Variants in PAQR9 observed in about 807,000 individuals in gnomAD.
PAQR9 encodes membrane progestin receptor epsilon.
A neutral mutation model predicts 24.0 loss-of-function variants in PAQR9; 12 were observed. The observed-to-expected ratio is 0.50, with a 90% CI of 0.32 to 0.81. The LOEUF is 0.81. Ranked by LOEUF, PAQR9 falls within the 30% of genes least tolerant of loss-of-function variation. The pLI is 0.03. For synonymous variants in PAQR9, 266 were observed against 237.6 expected (o/e 1.12, Z -1.10); for missense variants, 418 against 520.8 (o/e 0.80, Z 1.92).
At position 142,962,669 on chromosome 3, in the gene PAQR9, G is replaced by A. The variant is rs375264528; in HGVS notation, c.668C>T (p.Ala223Val). The A allele has an allele frequency of 4.3e-6, 7 of 1,611,654 alleles. No individual in the cohort carries two copies. The African/African-American group carries it at 8.0e-5, about 18-fold the overall frequency. The change falls in exon 1 of 1, where the codon GCT becomes GTT. Residue 223 changes from alanine (A) to valine (V), a missense_variant. Physicochemically the swap from Ala to Val is moderately conservative, Grantham distance 64. This residue lies in a region of PAQR9 where 230 missense variants were observed against 305.2 expected (regional missense o/e 0.75). Coordinates refer to ENST00000340634, the MANE Select transcript of PAQR9 (RefSeq NM_198504.4). The stretch of plus-strand genomic sequence containing the variant: ...GCTCTTGCAGCAGGCCACAGTGCAA[G>A]CCACCGCCAGCACGAAGGCCACAGG... ...VLPVAFVLAV[A>V]CTVACCKSRT...
In PAQR9 at chr3:142,962,956, C is replaced by T. The variant is rs1164009232; in HGVS notation, c.381G>A (p.Ser127=). 4 of 1,613,918 alleles carry T rather than the reference C, an allele frequency of 2.5e-6. No homozygotes were observed. In the African/African-American group the frequency reaches 4.0e-5, roughly 16 times the overall value. The stretch of plus-strand genomic sequence containing the variant: ...TCATGGCGAAGGTCAGCAGCACTCC[C>T]GACGCGTAGCACCACAACGGTAGCA... The part of the protein sequence containing the change: ...PWLLPLWCYA[S]GVLLTFAMSC... The change falls in exon 1 of 1, where the codon TCG becomes TCA. Residue 127 remains serine (S), a synonymous_variant. Transcript: ENST00000340634.
Position 142,959,337 on chromosome 3 carries a change from C to A in PAQR9, c.*2866G>T, listed in dbSNP as rs1934849550. ...AAGTAAATATTCACTTCTAAAACATCAAGAAATTTAATAAATTCAGCAAAT... is the reference window on the plus strand; with the variant it reads ...AAGTAAATATTCACTTCTAAAACATAAAGAAATTTAATAAATTCAGCAAAT... On this transcript the variant is annotated 3_prime_UTR_variant, in exon 1 of 1. Transcript: ENST00000340634. Among the ~76,000 whole-genome samples, 1 of 152,142 alleles carries A rather than the reference C, an allele frequency of 6.6e-6. No homozygotes were observed. Among genetic ancestry groups the A allele is most frequent in the African/African-American group, 2.4e-5 (1 of 41,444 alleles).
In PAQR9 at chr3:142,963,668, G is replaced by A; in HGVS notation, c.-332C>T. 1.6e-6 allele frequency: 1 copy of A among 621,930 alleles called. No homozygotes were observed. The highest frequency in any genetic ancestry group is 2.0e-6 in the Non-Finnish European group (1 of 500,042). 38.5% of individuals were successfully genotyped at this position (621,930 alleles called of 1,614,324 possible). ...CTGACTGCGGCGGCAGCGCGGCAGC[G>A]GTGACTGGGCATCGCGCGGTGCGGG... On this transcript the variant is annotated 5_prime_UTR_variant, in exon 1 of 1. Transcript: ENST00000340634.
Position 142,957,225 on chromosome 3 carries a change from T to C in PAQR9, c.*4978A>G, listed in dbSNP as rs994051189. On this transcript the variant is annotated 3_prime_UTR_variant, in exon 1 of 1. Coordinates refer to ENST00000340634, the MANE Select transcript of PAQR9 (RefSeq NM_198504.4). Reference sequence around the variant, plus strand: ...TGCTCAGGTCAAACGCTACAAGATGTGGTTAAGCTGACAAACAGAATTCCT... The same window carrying C: ...TGCTCAGGTCAAACGCTACAAGATGCGGTTAAGCTGACAAACAGAATTCCT... Among the ~76,000 whole-genome samples, 1 of 152,204 alleles carries C rather than the reference T, an allele frequency of 6.6e-6. No homozygotes were observed. The highest frequency in any genetic ancestry group is 2.4e-5 in the African/African-American group (1 of 41,450).
rs900746026 is a variant in PAQR9 at position 142,958,721 on chromosome 3, T to C, written c.*3482A>G. Among the ~76,000 whole-genome samples, 1 of 152,228 alleles carries C rather than the reference T, an allele frequency of 6.6e-6. No individual in the cohort carries two copies. Among genetic ancestry groups the C allele is most frequent in the Non-Finnish European group, 1.5e-5 (1 of 68,034 alleles). ...CAAGCTGGATTTATGAATGGAAACA[T>C]ATGAAGGCCACTCTGTCCAGCTCTG... On this transcript the variant is annotated 3_prime_UTR_variant, in exon 1 of 1. Transcript: ENST00000340634.
At chr3:142,951,494 C>T, downstream of PAQR9, 1 of 327,764 alleles carries the variant, frequency 3.1e-6, no homozygotes, top group South Asian at 2.4e-5. Flanking sequence ...TCCTGATCAC[C>T]ATCCTTTTCT....
Position 142,955,049 on chromosome 3 carries a change from T to C in PAQR9, c.*7154A>G, listed in dbSNP as rs1385003379. Among the ~76,000 whole-genome samples the C allele has an allele frequency of 1.3e-5, 2 of 152,118 alleles. No homozygotes were observed. The highest frequency in any genetic ancestry group is 2.9e-5 in the Non-Finnish European group (2 of 68,028). On this transcript the variant is annotated 3_prime_UTR_variant, in exon 1 of 1. Transcript: ENST00000340634. ...TCATTTTTACTCCCTTCTTTCTCCG[T>C]CATCACCCTTAAATGAACTTAAAAA...
chr3:142,952,695 G>C, downstream of PAQR9: 2 of 450,274 alleles, frequency 4.4e-6, no homozygotes. Flanking sequence ...TTCTTATCTT[G>C]TCTTCCCTCA....
Position 142,962,852 on chromosome 3 carries a change from C to T in PAQR9, c.485G>A (p.Ser162Asn). The change falls in exon 1 of 1, where the codon AGC becomes AAC. Residue 162 changes from serine to asparagine, a missense_variant. Transcript: ENST00000340634. ...CACCGTGCTGCCGAAGCCGTAGTAG[C>T]TGATGGACGCGTAGTCCAGGTAGAA... Reference protein sequence around the residue: ...AFFYLDYASISYYGFGSTVAY... With the variant: ...AFFYLDYASINYYGFGSTVAY... 3 of 1,613,422 alleles carry T rather than the reference C, an allele frequency of 1.9e-6. No individual in the cohort carries two copies. The East Asian group carries it at 6.7e-5, about 36-fold the overall frequency.
Position 142,961,997 on chromosome 3 carries a change from G to T in PAQR9, c.*206C>A. ...AAGAACAAGTGACTATCTCCCTCCC[G>T]CTTGACCACCCCTGCCAACCTCCCT... On this transcript the variant is annotated 3_prime_UTR_variant, in exon 1 of 1. Coordinates refer to ENST00000340634, the MANE Select transcript of PAQR9 (RefSeq NM_198504.4). 1.7e-6 allele frequency: 1 copy of T among 587,810 alleles called. No individual in the cohort carries two copies. The highest frequency in any genetic ancestry group is 3.0e-5 in the East Asian group (1 of 32,870). The allele number at this position is 587,810 out of a possible 1,614,324, so 36.4% of individuals were successfully genotyped here. A position where few individuals can be genotyped will look rare whatever the true frequency, so the allele number is the denominator to read the frequency against.
downstream of PAQR9, among the ~76,000 whole-genome samples, chr3:142,952,085 G>C (rs1185365192): frequency 6.6e-6 from 1 of 151,860 alleles, no homozygotes; most frequent in African/African-American, 2.4e-5. Flanking sequence ...ATAGTGGGGA[G>C]AGGGTGACTT....
chr3:142,952,734 C>G (rs1934733246), downstream of PAQR9: 1 of 456,532 alleles, frequency 2.2e-6, no homozygotes, highest in Admixed American at 2.3e-5. Context: ...TAGTAGCAGC[C>G]AGGGCTGAGG....
At position 142,959,996 on chromosome 3, in the gene PAQR9, C is replaced by T. The variant is rs1934862188; in HGVS notation, c.*2207G>A. ...TGATTTCCACAGTTGTCCTTGAATGCATCTATTGAATTAAGTTACAGCTGA... is the reference window on the plus strand; with the variant it reads ...TGATTTCCACAGTTGTCCTTGAATGTATCTATTGAATTAAGTTACAGCTGA... On this transcript the variant is annotated 3_prime_UTR_variant, in exon 1 of 1. Transcript: ENST00000340634. Among the ~76,000 whole-genome samples the T allele has an allele frequency of 6.6e-6, 1 of 152,112 alleles. No homozygotes were observed. The highest frequency in any genetic ancestry group is 1.5e-5 in the Non-Finnish European group (1 of 68,032).
In PAQR9 at chr3:142,962,437, C is replaced by A. The variant is rs1181737541; in HGVS notation, c.900G>T (p.Gln300His). The A allele has an allele frequency of 6.2e-7, 1 of 1,614,006 alleles. No individual in the cohort carries two copies. The highest frequency in any genetic ancestry group is 1.1e-5 in the South Asian group (1 of 91,082). ...GGCCGATAATGTCGAAAAGACCCGG[C>A]TGGATGCGCTCGGGGATCTTGCTCA... ...FNVSKIPERIQPGLFDIIGHS... is the reference protein window; with the variant it reads ...FNVSKIPERIHPGLFDIIGHS... The change falls in exon 1 of 1, where the codon CAG becomes CAT. Residue 300 changes from glutamine (Q) to histidine (H), a missense_variant. Transcript: ENST00000340634.
At position 142,962,809 on chromosome 3, in the gene PAQR9, C is replaced by T. The variant is rs1934927645; in HGVS notation, c.528G>A (p.Leu176=). 1.2e-6 allele frequency: 2 copies of T among 1,612,436 alleles called. No homozygotes were observed. Among genetic ancestry groups the T allele is most frequent in the African/African-American group, 1.3e-5 (1 of 74,946 alleles). The change falls in exon 1 of 1, where the codon CTG becomes CTA. Residue 176 remains leucine, a synonymous_variant. Coordinates refer to ENST00000340634, the MANE Select transcript of PAQR9 (RefSeq NM_198504.4). ...FGSTVAYYYY[L]LPGLSLLDAR... ...CATCCAGCAAGCTGAGGCCTGGCAA[C>T]AGGTAGTAGTAGTAGGCCACCGTGC...
Position 142,963,583 on chromosome 3 carries a change from T to A in PAQR9, c.-247A>T. On this transcript the variant is annotated 5_prime_UTR_variant, in exon 1 of 1. Transcript: ENST00000340634. ...GAGCGCGCGAGGCTCAGCGGCTTCC[T>A]CGCCAAGCCCCTGCTACCGGCGCGC... 1 of 910,778 alleles carries A rather than the reference T, an allele frequency of 1.1e-6. No homozygotes were observed. The highest frequency in any genetic ancestry group is 1.3e-6 in the Non-Finnish European group (1 of 762,766). The allele number at this position is 910,778 out of a possible 1,614,324, so 56.4% of individuals were successfully genotyped here.
chr3:142,949,848 T>C (rs939205845), downstream of PAQR9: 5 of 152,228 alleles, frequency 3.3e-5, no homozygotes, highest in Admixed American at 3.3e-4. Context: ...AAGTGTAGGT[T>C]ACACCTTTTG....
At position 142,963,239 on chromosome 3, in the gene PAQR9, G is replaced by T. The variant is rs778577676; in HGVS notation, c.98C>A (p.Ala33Asp). 1.7e-5 allele frequency: 26 copies of T among 1,544,200 alleles called. No individual in the cohort carries two copies. In the South Asian group the frequency reaches 2.7e-4, roughly 16 times the overall value. ...SGAARNSHSA[A>D]SRDPPASAKP... ...GGCAGACGCTGGGGGGTCCCGGGAG[G>T]CGGCAGAGTGGGAGTTCCGGGCGGC... is the stretch of plus-strand genomic sequence containing the variant. The change falls in exon 1 of 1, where the codon GCC (alanine) becomes GAC (aspartate). Residue 33 changes from alanine to aspartate, a missense_variant. Physicochemically the swap from Ala to Asp is moderately radical, Grantham distance 126 (BLOSUM62 -2). Coordinates refer to ENST00000340634, the MANE Select transcript of PAQR9 (RefSeq NM_198504.4).
In PAQR9 at chr3:142,960,461, G is replaced by T; in HGVS notation, c.*1742C>A. ...AGCCCAAGATAAGCCACCACTACCTGGGCAAGCTCTCCATCACCTACAAGC... is the reference window on the plus strand; with the variant it reads ...AGCCCAAGATAAGCCACCACTACCTTGGCAAGCTCTCCATCACCTACAAGC... On this transcript the variant is annotated 3_prime_UTR_variant, in exon 1 of 1. Coordinates refer to ENST00000340634, the MANE Select transcript of PAQR9 (RefSeq NM_198504.4). The T allele has an allele frequency of 1.3e-5, 2 of 152,866 alleles. No individual in the cohort carries two copies. The highest frequency in any genetic ancestry group is 3.8e-4 in the South Asian group (2 of 5,200). The allele number at this position is 152,866 out of a possible 1,614,324, so 9.5% of individuals were successfully genotyped here. A position where few individuals can be genotyped will look rare whatever the true frequency, so the allele number is the denominator to read the frequency against.
Sources: gnomAD v4.1 joint callset for allele counts (sites outside exome capture counted in the v4.1 genomes callset) on GRCh38, gnomAD v4.1.1 for gene constraint, gnomAD v4.1.1 regional missense constraint, MANE v1.5 for transcripts, NCBI Gene and HGNC (gene_info 2026-07-23, HGNC 2026-07-21) for gene names.